The following ST6GALNAC3 variants were observed in gnomAD, a reference collection of about 807,000 sequenced individuals.
ST6GALNAC3 encodes ST6 N-acetylgalactosaminide alpha-2,6-sialyltransferase 3.
Under a neutral mutation model 32.7 loss-of-function variants are expected in ST6GALNAC3, and 25 were observed. The ratio of observed to expected loss-of-function variants is 0.76; its 90% CI spans 0.56 to 1.07. The LOEUF is 1.07. Among genes scored for constraint, ST6GALNAC3 ranks in the 50% least tolerant of loss-of-function variants. The pLI, the probability that ST6GALNAC3 is intolerant of heterozygous loss-of-function variation, is 0.00. For synonymous variants in ST6GALNAC3, 129 were observed against 133.1 expected (o/e 0.97, Z 0.21); for missense variants, 355 against 382.4 (o/e 0.93, Z 0.60).
intron 3 of ST6GALNAC3, among the ~76,000 whole-genome samples, chr1:76,530,801 C>T (rs983060961): frequency 1.3e-5 from 2 of 152,032 alleles, no homozygotes; most frequent in Non-Finnish European, 2.9e-5. Context: ...GTAACATAAC[C>T]AGTGATTTTT....
chr1:76,157,009 G>A (rs1220167333), intron 1 of ST6GALNAC3, among the ~76,000 whole-genome samples: 1 of 152,212 alleles, frequency 6.6e-6, no homozygotes, highest in Non-Finnish European at 1.5e-5. Flanking sequence ...GGGATTACAG[G>A]TGTAAGCCAC....
downstream of ST6GALNAC3, among the ~76,000 whole-genome samples, chr1:76,635,393 G>T (rs1002709837): frequency 1.3e-5 from 2 of 152,084 alleles, no homozygotes; most frequent in African/African-American, 4.8e-5. Context: ...TATATGCCAG[G>T]CTTATTAAAG....
chr1:76,091,979 T>A (rs936806207), intron 1 of ST6GALNAC3, among the ~76,000 whole-genome samples: 9 of 152,228 alleles, frequency 5.9e-5, no homozygotes, highest in African/African-American at 1.7e-4. Context: ...GGATTGTTTA[T>A]GAGGAAATGC....
At chr1:76,237,947 T>C (rs1468085830) in intron 1 of ST6GALNAC3, among the ~76,000 whole-genome samples, 1 of 152,252 alleles carries the variant, frequency 6.6e-6, no homozygotes, top group Non-Finnish European at 1.5e-5. Context: ...TGTTGATTAA[T>C]GATAATGGAA....
At chr1:76,625,868 G>C (rs1648935947) in intron 3 of ST6GALNAC3, among the ~76,000 whole-genome samples, 1 of 151,858 alleles carries the variant, frequency 6.6e-6, no homozygotes. Context: ...CCATACACCA[G>C]AAGATGCGAA....
intron 3 of ST6GALNAC3, among the ~76,000 whole-genome samples, chr1:76,517,626 TTTG>T (rs1220516319): frequency 3.3e-5 from 5 of 151,998 alleles, no homozygotes; most frequent in Non-Finnish European, 7.4e-5. Flanking sequence ...TTTTACTTTC[TTTG>T]TTGTTTATTA....
intron 2 of ST6GALNAC3, among the ~76,000 whole-genome samples, chr1:76,391,033 A>G (rs11162140): frequency 0.94 from 139,924 of 148,882 alleles, 65,990 homozygotes; most frequent in East Asian, 1. Context: ...TCCACCTCCC[A>G]GGATCACGCC....
intron 2 of ST6GALNAC3, among the ~76,000 whole-genome samples, chr1:76,335,001 T>C (rs1436645153): frequency 2.0e-5 from 3 of 152,168 alleles, no homozygotes; most frequent in African/African-American, 4.8e-5. Flanking sequence ...TCTTCTAATA[T>C]TAAACCCTGA....
chr1:76,399,716 T>G (rs1311257268), intron 2 of ST6GALNAC3, among the ~76,000 whole-genome samples: 1 of 152,212 alleles, frequency 6.6e-6, no homozygotes, highest in East Asian at 1.9e-4. Context: ...TCCATGTATA[T>G]GTTATGTCTC....
At chr1:76,627,033 C>T (rs918316272) in intron 3 of ST6GALNAC3, among the ~76,000 whole-genome samples, 2 of 151,874 alleles carry the variant, frequency 1.3e-5, no homozygotes, top group Non-Finnish European at 2.9e-5. Context: ...GTAATATGTC[C>T]AGTTAAGCAA....
intron 3 of ST6GALNAC3, among the ~76,000 whole-genome samples, chr1:76,549,382 A>G (rs531813544): frequency 6.6e-6 from 1 of 151,978 alleles, no homozygotes; most frequent in Non-Finnish European, 1.5e-5. Context: ...ATATATGTAC[A>G]TAGTCATAGC....
chr1:76,467,214 G>A (rs1166665798), intron 3 of ST6GALNAC3, among the ~76,000 whole-genome samples: 2 of 152,020 alleles, frequency 1.3e-5, no homozygotes, highest in Non-Finnish European at 2.9e-5. Flanking sequence ...GGAGTAAGAA[G>A]ATCTCATCAG....
intron 3 of ST6GALNAC3, among the ~76,000 whole-genome samples, chr1:76,438,020 A>G (rs890074305): frequency 1.3e-5 from 2 of 152,148 alleles, no homozygotes; most frequent in African/African-American, 4.8e-5. Context: ...TATTTTGAAA[A>G]TTAACGTCAA....
At chr1:76,400,064 C>G (rs561641442) in intron 2 of ST6GALNAC3, among the ~76,000 whole-genome samples, 1 of 151,838 alleles carries the variant, frequency 6.6e-6, no homozygotes, top group Non-Finnish European at 1.5e-5. Flanking sequence ...TAAATAGCAG[C>G]GGGGATAGTG....
At chr1:76,613,208 A>T (rs982158256) in intron 3 of ST6GALNAC3, among the ~76,000 whole-genome samples, 7 of 152,150 alleles carry the variant, frequency 4.6e-5, no homozygotes, top group Non-Finnish European at 1.0e-4. Context: ...TTAAATTGAT[A>T]TTTCCCCTCG....
At chr1:76,505,124 A>G (rs1166523049) in intron 3 of ST6GALNAC3, among the ~76,000 whole-genome samples, 1 of 149,578 alleles carries the variant, frequency 6.7e-6, no homozygotes, top group East Asian at 1.9e-4. Flanking sequence ...ATGGGAAGCC[A>G]AAGCTTTTTT....
chr1:76,471,142 C>T (rs1401259016), intron 3 of ST6GALNAC3, among the ~76,000 whole-genome samples: 1 of 152,084 alleles, frequency 6.6e-6, no homozygotes, highest in African/African-American at 2.4e-5. Flanking sequence ...CCTCTCAATC[C>T]TGGCAAAAGT....
At chr1:76,129,119 C>G (rs36050099) in intron 1 of ST6GALNAC3, among the ~76,000 whole-genome samples, 13,762 of 152,208 alleles carry the variant, frequency 0.09, 797 homozygotes, top group Non-Finnish European at 0.13. Context: ...TAACATCACC[C>G]ACCTGTACAG....
At chr1:76,419,281 G>GA (rs1281971362) in intron 3 of ST6GALNAC3, among the ~76,000 whole-genome samples, 2 of 151,954 alleles carry the variant, frequency 1.3e-5, no homozygotes, top group Non-Finnish European at 2.9e-5. Flanking sequence ...CAGATTCTCA[G>GA]AAAAAATTAT....
Sources: allele counts gnomAD v4.1 joint callset (sites outside exome capture counted in the v4.1 genomes callset), GRCh38; gene constraint gnomAD v4.1.1; transcripts MANE v1.5; gene names NCBI Gene and HGNC (gene_info 2026-07-23, HGNC 2026-07-21).